The following TBC1D5 variants were observed in gnomAD, a reference collection of about 807,000 sequenced individuals.
The protein encoded by TBC1D5 is TBC1 domain family member 5, also known as TBC1 domain family, member 5.
Under a neutral mutation model 100.3 loss-of-function variants are expected in TBC1D5, and 75 were observed. The ratio of observed to expected loss-of-function variants is 0.75; its 90% CI spans 0.62 to 0.91. The LOEUF (loss-of-function observed/expected upper bound fraction) is 0.91. TBC1D5 is among the 40% of genes least tolerant of loss of function. The probability of loss-of-function intolerance (pLI) is 0.00; values close to 1 mark genes in which losing one functional copy is unlikely to be tolerated. For synonymous variants in TBC1D5, 323 were observed against 325.6 expected (o/e 0.99, Z 0.09); for missense variants, 910 against 942.4 (o/e 0.97, Z 0.45).
At chr3:17,215,714 G>A (rs1247052788) in intron 17 of TBC1D5, among the ~76,000 whole-genome samples, 3 of 152,090 alleles carry the variant, frequency 2.0e-5, no homozygotes, top group African/African-American at 4.8e-5. Context: ...CCTTGGAAAC[G>A]TTACAATTTA....
chr3:17,638,467 T>C (rs2064187209), intron 1 of TBC1D5, among the ~76,000 whole-genome samples: 1 of 152,072 alleles, frequency 6.6e-6, no homozygotes, highest in Non-Finnish European at 1.5e-5. Context: ...TCACTGCCCA[T>C]TTCTCTGATA....
At chr3:17,187,274 G>A (rs1470755205) in intron 18 of TBC1D5, among the ~76,000 whole-genome samples, 4 of 152,124 alleles carry the variant, frequency 2.6e-5, no homozygotes, top group Non-Finnish European at 5.9e-5. Context: ...GCATTTAGCC[G>A]AAATCAAACT....
At chr3:17,416,177 A>G (rs1253797848) in intron 4 of TBC1D5, among the ~76,000 whole-genome samples, 1 of 152,206 alleles carries the variant, frequency 6.6e-6, no homozygotes, top group African/African-American at 2.4e-5. Flanking sequence ...AATCAATTAT[A>G]TTTTAACTGA....
Position 17,678,727 on chromosome 3 carries a change from A to C in TBC1D5, c.-100-54814T>G, listed in dbSNP as rs540680401. Among the ~76,000 whole-genome samples, 3 of 150,634 alleles carry C rather than the reference A, an allele frequency of 2.0e-5. 1 individual carries two copies. Among genetic ancestry groups the C allele is most frequent in the African/African-American group, 7.4e-5 (3 of 40,320 alleles). On this transcript the variant is annotated intron_variant, in intron 1 of 21. Coordinates refer to ENST00000253692, the Ensembl canonical transcript of TBC1D5. ...AATTCAAGATAACATCCCAAACTGA[A>C]AGACATTTGCTCTTAAAAGGGTCCT...
In TBC1D5 at chr3:17,737,209, T is replaced by A. The variant is rs369129201; in HGVS notation, c.-101+2134A>T. Among the ~76,000 whole-genome samples the A allele has an allele frequency of 5.3e-5, 8 of 152,132 alleles. No individual in the cohort carries two copies. In the East Asian group the frequency reaches 1.4e-3, roughly 26 times the overall value. On this transcript the variant is annotated intron_variant, in intron 1 of 21. Transcript: ENST00000253692. Reference sequence around the variant, plus strand: ...TTCCCCATGGTGCTTATGTCAGAAGTGGGGGCTTACTTCTCACTGGTCTAG... The same window carrying A: ...TTCCCCATGGTGCTTATGTCAGAAGAGGGGGCTTACTTCTCACTGGTCTAG...
intron 3 of TBC1D5, among the ~76,000 whole-genome samples, chr3:17,428,963 A>G (rs1017752496): frequency 3.3e-5 from 5 of 151,976 alleles, no homozygotes; most frequent in Non-Finnish European, 7.4e-5. Flanking sequence ...AATTTAGTAA[A>G]CAGAGGTAAA....
At chr3:17,430,350 A>G (rs984116644) in intron 3 of TBC1D5, among the ~76,000 whole-genome samples, 42 of 151,962 alleles carry the variant, frequency 2.8e-4, no homozygotes, top group African/African-American at 9.6e-4. Flanking sequence ...CTTTAAGGTG[A>G]TATTTATCAG....
chr3:17,314,946 T>A (rs115323128), intron 13 of TBC1D5, among the ~76,000 whole-genome samples: 223 of 152,344 alleles, frequency 1.5e-3, no homozygotes, highest in African/African-American at 5.2e-3. Flanking sequence ...AGTTTTCTGA[T>A]ACAGAAGATT....
At chr3:17,544,374 C>T (rs981790831) in intron 2 of TBC1D5, among the ~76,000 whole-genome samples, 11 of 152,096 alleles carry the variant, frequency 7.2e-5, no homozygotes, top group Non-Finnish European at 1.2e-4. Context: ...AGAACTCGGC[C>T]GGGCGCACTG....
intron 3 of TBC1D5, among the ~76,000 whole-genome samples, chr3:17,483,392 A>C (rs1489151954): frequency 1.3e-5 from 2 of 152,202 alleles, no homozygotes. Context: ...GTCTAAATGA[A>C]ACCTATTTAT....
chr3:17,576,947 A>G (rs775735780), intron 2 of TBC1D5, among the ~76,000 whole-genome samples: 1 of 152,070 alleles, frequency 6.6e-6, no homozygotes, highest in Non-Finnish European at 1.5e-5. Flanking sequence ...CATGTAATAT[A>G]GGAAAAAAAC....
intron 1 of TBC1D5, chr3:17,706,323 A>C: frequency 7.0e-7 from 1 of 1,422,824 alleles, no homozygotes; most frequent in South Asian, 1.3e-5. Context: ...CCAGAACTGT[A>C]TACCTTTGTG....
chr3:17,682,948 C>T (rs1408572285), intron 1 of TBC1D5, among the ~76,000 whole-genome samples: 1 of 151,442 alleles, frequency 6.6e-6, no homozygotes, highest in Non-Finnish European at 1.5e-5. Context: ...CTCAGAGGTG[C>T]TCTGAATATT....
At chr3:17,701,051 T>C (rs1240037791) in intron 1 of TBC1D5, among the ~76,000 whole-genome samples, 2 of 152,164 alleles carry the variant, frequency 1.3e-5, no homozygotes, top group Non-Finnish European at 2.9e-5. Context: ...TGTAGCACTA[T>C]TCACAATAGC....
chr3:17,690,572 A>C (rs1560474397), intron 1 of TBC1D5, among the ~76,000 whole-genome samples: 1 of 152,334 alleles, frequency 6.6e-6, no homozygotes, highest in South Asian at 2.1e-4. Flanking sequence ...ACAGACAAGC[A>C]AGCAAAGCTT....
chr3:17,606,525 T>G (rs1237367450), intron 2 of TBC1D5, among the ~76,000 whole-genome samples: 1 of 152,182 alleles, frequency 6.6e-6, no homozygotes. Flanking sequence ...ATAGTGTAAT[T>G]AATGATAATG....
At chr3:17,256,410 C>A in intron 16 of TBC1D5, among the ~76,000 whole-genome samples, 1 of 146,054 alleles carries the variant, frequency 6.8e-6, no homozygotes, top group South Asian at 2.1e-4. Flanking sequence ...TATATATAAA[C>A]TCATTGTGTT....
intron 2 of TBC1D5, among the ~76,000 whole-genome samples, chr3:17,533,857 C>A (rs1000060600): frequency 2.0e-5 from 3 of 151,206 alleles, no homozygotes; most frequent in Non-Finnish European, 4.4e-5. Context: ...CTCCTTCATT[C>A]TCCACATACA....
chr3:17,218,655 T>C (rs1032544941), intron 17 of TBC1D5, among the ~76,000 whole-genome samples: 3 of 152,012 alleles, frequency 2.0e-5, no homozygotes, highest in Non-Finnish European at 2.9e-5. Flanking sequence ...TCTTTCCTTT[T>C]TGAAGGATAG....
Sources: gnomAD v4.1 joint callset for allele counts (sites outside exome capture counted in the v4.1 genomes callset) on GRCh38, gnomAD v4.1.1 for gene constraint, MANE v1.5 for transcripts, NCBI Gene and HGNC (gene_info 2026-07-23, HGNC 2026-07-21) for gene names.